SLC35F3: variants seen among roughly 807,000 people sequenced by gnomAD.
The protein encoded by SLC35F3 is putative thiamine transporter SLC35F3.
A neutral mutation model predicts 49.9 loss-of-function variants in SLC35F3; 25 were observed. That is an observed-to-expected ratio of 0.50 (90% CI 0.37 to 0.70). The LOEUF (loss-of-function observed/expected upper bound fraction) is 0.70, where lower values mean the gene tolerates loss of function less well. SLC35F3 is among the 30% of genes least tolerant of loss of function. The pLI, the probability that SLC35F3 is intolerant of heterozygous loss-of-function variation, is 0.00. For missense variants in SLC35F3, 525 were observed against 639.8 expected, an observed-to-expected ratio of 0.82 and a Z score of 1.94; for synonymous variants, 275 against 265.4, an observed-to-expected ratio of 1.04 and a Z score of -0.35.
At chr1:234,073,313 T>A (rs1168070322) in intron 2 of SLC35F3, among the ~76,000 whole-genome samples, 3 of 151,750 alleles carry the variant, frequency 2.0e-5, no homozygotes, top group East Asian at 3.9e-4. Flanking sequence ...CTGGCTAATT[T>A]AAAAAAAAAT....
intron 7 of SLC35F3, among the ~76,000 whole-genome samples, chr1:234,322,430 A>G (rs78500189): frequency 0.1 from 15,448 of 152,248 alleles, 910 homozygotes; most frequent in African/African-American, 0.15. Flanking sequence ...AAATGTTATT[A>G]AGAAAATCGT....
rs143649012 is a variant in SLC35F3, at chr1:234,188,494, T to C, written c.284-42923T>C. 6.5e-3 allele frequency among the ~76,000 whole-genome samples: 983 copies of C among 152,104 alleles called. 8 individuals are homozygous for C. The highest frequency in any genetic ancestry group is 0.04 in the South Asian group (192 of 4,820). On this transcript the variant is annotated intron_variant, in intron 2 of 7. Transcript: ENST00000366618. The stretch of plus-strand genomic sequence containing the variant: ...AGCCATAATCCTCTTGGGAACACAA[T>C]TCTATTGACCTGGAACCACACCCCC...
chr1:234,156,554 C>A (rs1006765457), intron 2 of SLC35F3, among the ~76,000 whole-genome samples: 10 of 152,064 alleles, frequency 6.6e-5, no homozygotes, highest in Non-Finnish European at 1.5e-4. Flanking sequence ...TTGAGCAGTT[C>A]CTCAAAAAGC....
At chr1:234,302,401 A>AG (rs1488940322) in intron 3 of SLC35F3, among the ~76,000 whole-genome samples, 1 of 152,130 alleles carries the variant, frequency 6.6e-6, no homozygotes, top group Non-Finnish European at 1.5e-5. Flanking sequence ...CAGTTGGTCC[A>AG]GGGGTTTGAA....
At chr1:233,976,326 T>G (rs1663079359) in intron 2 of SLC35F3, among the ~76,000 whole-genome samples, 4 of 152,180 alleles carry the variant, frequency 2.6e-5, no homozygotes, top group African/African-American at 9.7e-5. Context: ...TTTTAACAAC[T>G]CCTTTCATTT....
intron 2 of SLC35F3, among the ~76,000 whole-genome samples, chr1:233,985,103 G>A (rs915396397): frequency 1.3e-5 from 2 of 152,166 alleles, no homozygotes; most frequent in African/African-American, 4.8e-5. Context: ...ATGTTCTGGT[G>A]GTGAGGTCTG....
intron 2 of SLC35F3, among the ~76,000 whole-genome samples, chr1:233,947,913 C>G (rs1464712533): frequency 6.7e-6 from 1 of 149,880 alleles, no homozygotes; most frequent in Non-Finnish European, 1.5e-5. Context: ...CTGGGACTCC[C>G]AGGAGGGATT....
intron 2 of SLC35F3, among the ~76,000 whole-genome samples, chr1:234,037,346 T>A (rs538099845): frequency 1.3e-5 from 2 of 152,302 alleles, no homozygotes; most frequent in East Asian, 3.9e-4. Flanking sequence ...TCACTCACTG[T>A]CCCGAGAATG....
chr1:233,918,804 CTCTCTCTCTCTCTA>C (rs1662013561), intron 2 of SLC35F3, among the ~76,000 whole-genome samples: 1 of 44,242 alleles, frequency 2.3e-5, no homozygotes, highest in Non-Finnish European at 8.0e-5. Context: ...CTCTTTCTCT[CTCTCTCTCTCTCTA>C]TATATATATA....
At chr1:234,087,507 T>C (rs1207731653) in intron 2 of SLC35F3, among the ~76,000 whole-genome samples, 1 of 152,150 alleles carries the variant, frequency 6.6e-6, no homozygotes, top group African/African-American at 2.4e-5. Flanking sequence ...AAATGTCCTG[T>C]TCAACATCAC....
intron 2 of SLC35F3, among the ~76,000 whole-genome samples, chr1:234,050,915 T>C (rs186845734): frequency 8.0e-4 from 122 of 152,344 alleles, no homozygotes; most frequent in Admixed American, 9.8e-4. Context: ...CATTTCTTGT[T>C]TTTGTCAGGT....
chr1:234,054,229 A>G (rs1365746884), intron 2 of SLC35F3, among the ~76,000 whole-genome samples: 1 of 152,218 alleles, frequency 6.6e-6, no homozygotes, highest in African/African-American at 2.4e-5. Flanking sequence ...AATATCCTGC[A>G]AAGTGTTTTC....
At chr1:233,931,907 T>C (rs1571984794) in intron 2 of SLC35F3, among the ~76,000 whole-genome samples, 3 of 152,306 alleles carry the variant, frequency 2.0e-5, no homozygotes, top group Admixed American at 2.0e-4. Context: ...TGTCCATCAA[T>C]GATAGTCTGG....
chr1:234,184,137 T>TAA lies in SLC35F3; in HGVS notation c.284-47280_284-47279insAA, dbSNP rs531723859. Among the ~76,000 whole-genome samples, 642 of 147,672 alleles carry TAA rather than the reference T, an allele frequency of 4.3e-3. 5 individuals are homozygous for TAA. Among genetic ancestry groups the TAA allele is most frequent in the African/African-American group, 0.015 (609 of 40,482 alleles). On this transcript the variant is annotated intron_variant, in intron 2 of 7. Coordinates refer to ENST00000366618, the MANE Select transcript of SLC35F3 (RefSeq NM_173508.4). The stretch of plus-strand genomic sequence containing the variant: ...TTTACTAGCATGGAACACAGTTTTT[T>TAA]TAAAAAAAAAAAACAAAAAACCTAA...
At chr1:233,922,822 G>C (rs1429711092) in intron 2 of SLC35F3, among the ~76,000 whole-genome samples, 2 of 152,114 alleles carry the variant, frequency 1.3e-5, no homozygotes, top group African/African-American at 4.8e-5. Flanking sequence ...ATTAATTTTT[G>C]TATAAGGTGT....
rs909606643 is a variant in SLC35F3, at chr1:233,918,880, C to A, written c.283+13122C>A. 2.7e-5 allele frequency among the ~76,000 whole-genome samples: 4 copies of A among 149,836 alleles called. No individual in the cohort carries two copies. The Admixed American group carries it at 2.7e-4, about 10-fold the overall frequency. On this transcript the variant is annotated intron_variant, in intron 2 of 7. Coordinates refer to ENST00000366618, the MANE Select transcript of SLC35F3 (RefSeq NM_173508.4). ...TGTTTATTTCTTGTGCTTAATAGTA[C>A]TAGTGTGGTTATAAAAGGTCCTTTT...
At chr1:234,056,676 A>G (rs973824673) in intron 2 of SLC35F3, among the ~76,000 whole-genome samples, 1 of 152,130 alleles carries the variant, frequency 6.6e-6, no homozygotes, top group African/African-American at 2.4e-5. Context: ...GGTTCATCCA[A>G]TTCATCTATT....
chr1:234,101,636 C>T (rs1315188599), intron 2 of SLC35F3, among the ~76,000 whole-genome samples: 1 of 152,208 alleles, frequency 6.6e-6, no homozygotes, highest in Non-Finnish European at 1.5e-5. Flanking sequence ...TTTTCCTGAG[C>T]CCAGAATAGC....
chr1:233,933,241 A>T (rs6693075), intron 2 of SLC35F3, among the ~76,000 whole-genome samples: 141,896 of 152,276 alleles, frequency 0.93, 66,924 homozygotes, highest in East Asian at 1. Context: ...CAGCTTGAAC[A>T]AAGGTTTGAG....
Sources: gnomAD v4.1 joint callset for allele counts (sites outside exome capture counted in the v4.1 genomes callset) on GRCh38, gnomAD v4.1.1 for gene constraint, MANE v1.5 for transcripts, NCBI Gene and HGNC (gene_info 2026-07-23, HGNC 2026-07-21) for gene names.